The following MECR variants were observed in gnomAD, a reference collection of about 807,000 sequenced individuals.
MECR encodes the protein enoyl-[acyl-carrier-protein] reductase, mitochondrial.
Under a neutral mutation model 49.1 loss-of-function variants are expected in MECR, and 37 were observed. The observed-to-expected ratio is 0.75, with a 90% CI of 0.58 to 0.99. The LOEUF is 0.99. Among genes scored for constraint, MECR ranks in the 50% least tolerant of loss-of-function variants. MECR has a pLI of 0.00. For missense variants in MECR, 470 were observed against 479.6 expected (o/e 0.98, Z 0.19); for synonymous variants, 198 against 191.1 (o/e 1.04, Z -0.30).
the MECR span, chr1:29,172,903 G>C: frequency 6.6e-6 from 1 of 152,180 alleles, no homozygotes; most frequent in Non-Finnish European, 1.5e-5. Context: ...GGTTGGGTAA[G>C]TCATAATATT....
the MECR span, chr1:29,173,164 G>C: frequency 2.8e-5 from 3 of 108,940 alleles, no homozygotes; most frequent in Non-Finnish European, 5.2e-5. Flanking sequence ...TTGAGACAGA[G>C]TCTTGCTCTG....
the MECR span, among the ~76,000 whole-genome samples, chr1:29,177,406 C>T: frequency 2.6e-5 from 4 of 151,944 alleles, no homozygotes; most frequent in South Asian, 6.2e-4. Flanking sequence ...CTCAGCCTCC[C>T]GAGTAGCCAG....
chr1:29,223,118 T>C (rs1681171992), intron 1 of MECR: 10 of 985,326 alleles, frequency 1.0e-5, no homozygotes, highest in Non-Finnish European at 1.1e-5. Context: ...CCTGGCTAGA[T>C]CTCAAATTGC....
chr1:29,200,480 T>C (rs1258655905), intron 7 of MECR, 36 bp downstream of exon 7: 1 of 1,599,014 alleles, frequency 6.3e-7, no homozygotes, highest in East Asian at 2.2e-5. Flanking sequence ...CCTGGAGAGC[T>C]CTGGCGAGCT....
At chr1:29,168,680 C>T in the MECR span, 2 of 152,290 alleles carry the variant, frequency 1.3e-5, no homozygotes, top group South Asian at 4.1e-4. Context: ...TGTGCAATCC[C>T]CATTCTGGAG....
chr1:29,191,733 C>T (rs399891), downstream of MECR, among the ~76,000 whole-genome samples: 3,451 of 152,250 alleles, frequency 0.023, 131 homozygotes, highest in African/African-American at 0.078. Context: ...TTTTTTCCAG[C>T]GGACATAAAA....
At chr1:29,180,561 T>C in the MECR span, among the ~76,000 whole-genome samples, 2 of 152,206 alleles carry the variant, frequency 1.3e-5, no homozygotes, top group Non-Finnish European at 2.9e-5. Context: ...AGTATAACCC[T>C]GGGGAGTAAA....
chr1:29,205,003 G>A (rs1002212369), intron 4 of MECR, among the ~76,000 whole-genome samples: 1 of 152,250 alleles, frequency 6.6e-6, no homozygotes, highest in Non-Finnish European at 1.5e-5. Context: ...TCGCTGGTAT[G>A]AGAGGTGGCT....
At chr1:29,202,160 A>G (rs571500599) in intron 5 of MECR, 115 bp from the exon 6 acceptor site, 1 of 897,860 alleles carries the variant, frequency 1.1e-6, no homozygotes, top group Non-Finnish European at 1.8e-6. Flanking sequence ...GGAAGCTGGG[A>G]TTAGGTTTAA....
At chr1:29,213,431 C>T (rs1213780574) in intron 3 of MECR, among the ~76,000 whole-genome samples, 1 of 151,740 alleles carries the variant, frequency 6.6e-6, no homozygotes, top group Non-Finnish European at 1.5e-5. Flanking sequence ...GTATCTTTTT[C>T]TCTCTACAAG....
the MECR span, among the ~76,000 whole-genome samples, chr1:29,182,919 G>A: frequency 6.6e-6 from 1 of 152,346 alleles, no homozygotes; most frequent in Admixed American, 6.5e-5. Context: ...TCACTAAATG[G>A]GGTAGTGTAT....
chr1:29,181,846 ACGGGCGGGCGG>A, the MECR span: 7 of 1,068,878 alleles, frequency 6.5e-6, 1 homozygote, highest in Non-Finnish European at 7.4e-6. Flanking sequence ...GGCGGCGGCA[ACGGGCGGGCGG>A]CGGGACGGAC....
In MECR at chr1:29,201,295, G is replaced by C. The variant is rs1675255319; in HGVS notation, c.756+648C>G. ...TCTACTGCTTCAGAAATGTTCGCAAGAAGCGCATGCTCTTGAGTGTGTGTC... is the reference window on the plus strand; with the variant it reads ...TCTACTGCTTCAGAAATGTTCGCAACAAGCGCATGCTCTTGAGTGTGTGTC... On this transcript the variant is annotated intron_variant, in intron 6 of 9. Transcript: ENST00000263702. The surrounding 1 kb of genome is among the most constrained non-coding windows in gnomAD (Gnocchi z 4.3). 26 of 474,546 alleles carry C rather than the reference G, an allele frequency of 5.5e-5. 1 individual carries two copies. The highest frequency in any genetic ancestry group is 4.2e-4 in the South Asian group (26 of 62,246). The allele number at this position is 474,546 out of a possible 1,614,324, so 29.4% of individuals were successfully genotyped here.
intron 3 of MECR, 100 bp downstream of exon 3, chr1:29,215,905 G>C: frequency 7.3e-7 from 1 of 1,367,338 alleles, no homozygotes. Flanking sequence ...AATAAACCCT[G>C]CATTACCCAG....
rs747172535 is a variant in MECR, at chr1:29,230,762, C to T, written c.145G>A (p.Gly49Arg). Residue 49 changes from glycine (G) to arginine (R), a missense_variant, in exon 1 of 10, where the codon GGG (glycine) becomes AGG (arginine). Physicochemically the swap from Gly to Arg is moderately radical, Grantham distance 125 (BLOSUM62 -2). Transcript: ENST00000263702. ...ACCTTGGCTGGATCCCCGTGGTGCC[C>T]ATAGACAAGCGCCCGGACCCGGGCA... ...EPARVRALVY[G>R]HHGDPAKVVE... is the part of the protein sequence containing the mutation. 5.6e-6 allele frequency: 9 copies of T among 1,594,766 alleles called. No homozygotes were observed. Among genetic ancestry groups the T allele is most frequent in the Non-Finnish European group, 6.0e-6 (7 of 1,171,206 alleles).
chr1:29,169,159 T>G, the MECR span: 2 of 152,266 alleles, frequency 1.3e-5, no homozygotes, highest in East Asian at 3.8e-4. Context: ...CCATTTAATT[T>G]TCACAACTCT....
chr1:29,221,015 G>T (rs946956894), intron 1 of MECR: 6 of 629,634 alleles, frequency 9.5e-6, no homozygotes, highest in Non-Finnish European at 1.2e-5. Flanking sequence ...GACAGTCGAA[G>T]TATCAGATAC....
Position 29,230,808 on chromosome 1 carries a change from G to C in MECR, c.99C>G (p.Ser33=), listed in dbSNP as rs34099261. ...ASGCHGPAAS[S]YSASAEPARV... Reference sequence around the variant, plus strand: ...GGGCAGGCTCGGCGGATGCGGAGTAGGAGGAGGCGGCAGGTCCGTGACAGC... The same window carrying C: ...GGGCAGGCTCGGCGGATGCGGAGTACGAGGAGGCGGCAGGTCCGTGACAGC... Residue 33 remains serine (S), a synonymous_variant, in exon 1 of 10, where the codon TCC becomes TCG. Coordinates refer to ENST00000263702, the MANE Select transcript of MECR (RefSeq NM_016011.5). 6.2e-7 allele frequency: 1 copy of C among 1,607,950 alleles called. No homozygotes were observed. The highest frequency in any genetic ancestry group is 1.7e-5 in the Admixed American group (1 of 59,162).
rs774083968 is a variant in MECR, at chr1:29,196,213, G to A, written c.876C>T (p.Pro292=). ...MVTYGGMAKQ[P]VVASVSLLIF... ...CCCAGCTTACCACAGAGGCTACGAC[G>A]GGCTGCTTGGCCATCCCCCCATAGG... The change falls in exon 8 of 10, where the codon CCC becomes CCT. Residue 292 remains proline (P), a synonymous_variant. Transcript: ENST00000263702. 7 of 1,614,124 alleles carry A rather than the reference G, an allele frequency of 4.3e-6. No homozygotes were observed. The highest frequency in any genetic ancestry group is 5.9e-6 in the Non-Finnish European group (7 of 1,179,998).
Sources: allele counts gnomAD v4.1 joint callset (sites outside exome capture counted in the v4.1 genomes callset), GRCh38; gene constraint gnomAD v4.1.1; non-coding constraint Gnocchi (gnomAD v3.1); transcripts MANE v1.5; gene names NCBI Gene and HGNC (gene_info 2026-07-23, HGNC 2026-07-21).